VTI1A: variants seen among roughly 807,000 people sequenced by gnomAD.
VTI1A encodes the protein vesicle transport through interaction with t-SNAREs homolog 1A.
VTI1A carries 22 observed loss-of-function variants against 34.9 expected under a neutral mutation model. The ratio of observed to expected loss-of-function variants is 0.63; its 90% CI spans 0.45 to 0.90. VTI1A has a LOEUF of 0.90. Among genes scored for constraint, VTI1A ranks in the 40% least tolerant of loss-of-function variants. The pLI is 0.00. For missense variants in VTI1A, 268 were observed against 275.6 expected, an observed-to-expected ratio of 0.97 and a Z score of 0.20; for synonymous variants, 87 against 97.3, an observed-to-expected ratio of 0.89 and a Z score of 0.62.
chr10:112,828,399 A>C, the VTI1A span, among the ~76,000 whole-genome samples: 1,069 of 151,458 alleles, frequency 7.1e-3, 16 homozygotes, highest in African/African-American at 0.025. Flanking sequence ...AAATGTTTTA[A>C]AATTATTATT....
intron 7 of VTI1A, chr10:112,737,562 CA>C: frequency 9.5e-7 from 1 of 1,048,770 alleles, no homozygotes; most frequent in Non-Finnish European, 1.2e-6. Flanking sequence ...CCTGCATTCC[CA>C]GGGGGCGGCA....
At chr10:112,454,440 A>G (rs112475310) in intron 1 of VTI1A, among the ~76,000 whole-genome samples, 59 of 152,180 alleles carry the variant, frequency 3.9e-4, no homozygotes, top group African/African-American at 1.3e-3. Context: ...ACAAAATAAA[A>G]TTGAATTTAA....
intron 5 of VTI1A, among the ~76,000 whole-genome samples, chr10:112,599,685 T>A (rs1164486208): frequency 6.6e-6 from 1 of 152,164 alleles, no homozygotes; most frequent in Non-Finnish European, 1.5e-5. Context: ...GTTCAAGTGA[T>A]CCTCCTGCCT....
intron 3 of VTI1A, among the ~76,000 whole-genome samples, chr10:112,495,302 C>T (rs1302285852): frequency 1.3e-5 from 2 of 150,648 alleles, no homozygotes; most frequent in Non-Finnish European, 2.9e-5. Flanking sequence ...GTACAATTGC[C>T]CAGGTACCTG....
At chr10:112,813,599 C>A (rs1853397598) in intron 7 of VTI1A, among the ~76,000 whole-genome samples, 1 of 152,162 alleles carries the variant, frequency 6.6e-6, no homozygotes, top group South Asian at 2.1e-4. Flanking sequence ...GGGTTTTAAA[C>A]AGAGCCACCA....
At chr10:112,674,442 G>A (rs982304115) in intron 7 of VTI1A, among the ~76,000 whole-genome samples, 5 of 152,082 alleles carry the variant, frequency 3.3e-5, no homozygotes, top group African/African-American at 1.2e-4. Flanking sequence ...TTTGTCCTAC[G>A]ACCTCTTCAA....
the VTI1A span, among the ~76,000 whole-genome samples, chr10:112,853,944 C>G: frequency 6.6e-6 from 1 of 152,198 alleles, no homozygotes; most frequent in African/African-American, 2.4e-5. Context: ...CCCTGTGACT[C>G]TGTATTGGTA....
intron 7 of VTI1A, among the ~76,000 whole-genome samples, chr10:112,759,509 C>A (rs112375911): frequency 1.0e-3 from 156 of 152,234 alleles, no homozygotes; most frequent in African/African-American, 3.6e-3. Flanking sequence ...CAACGTTTAG[C>A]GACACTGCGT....
intron 3 of VTI1A, among the ~76,000 whole-genome samples, chr10:112,473,295 G>A (rs1053039900): frequency 6.6e-6 from 1 of 151,946 alleles, no homozygotes; most frequent in Admixed American, 6.6e-5. Flanking sequence ...TTTTAGTAGA[G>A]ACGGGGTTTC....
At chr10:112,619,948 G>T (rs527315913) in intron 5 of VTI1A, among the ~76,000 whole-genome samples, 7 of 152,262 alleles carry the variant, frequency 4.6e-5, no homozygotes, top group African/African-American at 1.7e-4. Context: ...GGTTCGGGAA[G>T]GTCTCGACCC....
intron 7 of VTI1A, among the ~76,000 whole-genome samples, chr10:112,773,784 CTGTGCCTT>C (rs1851880116): frequency 6.6e-6 from 1 of 152,228 alleles, no homozygotes; most frequent in African/African-American, 2.4e-5. Context: ...TGAAACTCCA[CTGTGCCTT>C]TGGGTTAAGG....
At chr10:112,612,096 C>T (rs1845338781) in intron 5 of VTI1A, among the ~76,000 whole-genome samples, 1 of 151,880 alleles carries the variant, frequency 6.6e-6, no homozygotes, top group Non-Finnish European at 1.5e-5. Context: ...TATGGATTCT[C>T]AAATTCTTTT....
intron 7 of VTI1A, among the ~76,000 whole-genome samples, chr10:112,760,317 C>CT (rs1851419855): frequency 6.6e-6 from 1 of 152,068 alleles, no homozygotes; most frequent in Non-Finnish European, 1.5e-5. Flanking sequence ...ACAGCAATAA[C>CT]TAAGAGTAAA....
At position 112,648,505 on chromosome 10, in the gene VTI1A, A is replaced by T. The variant is rs138432592; in HGVS notation, c.428-19713A>T. On this transcript the variant is annotated intron_variant, in intron 5 of 7. Coordinates refer to ENST00000393077, the MANE Select transcript of VTI1A (RefSeq NM_145206.4). ...TCAACCATGATAAATTAATTAAATC[A>T]TCTTTAGGGTTAACCAACAATGAAG... 3.5e-4 allele frequency among the ~76,000 whole-genome samples: 54 copies of T among 152,308 alleles called. 2 individuals carry two copies. The East Asian group carries it at 8.7e-3, about 24-fold the overall frequency.
chr10:112,538,171 A>ATT (rs34676462), intron 4 of VTI1A, 75 bp from the exon 5 acceptor site: 20 of 1,127,860 alleles, frequency 1.8e-5, no homozygotes, highest in Admixed American at 2.2e-5. Context: ...ATACGAAGGC[A>ATT]TTTTTTTTTT....
chr10:112,671,434 T>TAAC (rs1387583090), intron 7 of VTI1A, among the ~76,000 whole-genome samples: 1 of 152,232 alleles, frequency 6.6e-6, no homozygotes, highest in Admixed American at 6.5e-5. Flanking sequence ...TACCTGCATA[T>TAAC]AACATAAGCT....
chr10:112,688,667 A>G (rs7095558), intron 7 of VTI1A, among the ~76,000 whole-genome samples: 116,331 of 151,526 alleles, frequency 0.77, 44,984 homozygotes, highest in East Asian at 0.91. Context: ...GATTACAGGC[A>G]CATACCACCA....
chr10:112,666,741 G>T (rs1036861632), intron 5 of VTI1A, among the ~76,000 whole-genome samples: 3 of 152,094 alleles, frequency 2.0e-5, no homozygotes, highest in African/African-American at 7.2e-5. Context: ...GCTCAAATGG[G>T]CTACAACAAG....
At chr10:112,803,245 T>G (rs1483716287) in intron 7 of VTI1A, among the ~76,000 whole-genome samples, 1 of 152,114 alleles carries the variant, frequency 6.6e-6, no homozygotes, top group Non-Finnish European at 1.5e-5. Context: ...ATTTTGTATT[T>G]TTAGTAGAGA....
Sources: gnomAD v4.1 joint callset for allele counts (sites outside exome capture counted in the v4.1 genomes callset) on GRCh38, gnomAD v4.1.1 for gene constraint, MANE v1.5 for transcripts, NCBI Gene and HGNC (gene_info 2026-07-23, HGNC 2026-07-21) for gene names.